The following CFDP1 variants were observed in gnomAD, a reference collection of about 807,000 sequenced individuals.
CFDP1 encodes the protein heterochromatin-stabilizing protein CFDP1.
CFDP1 carries 31 observed loss-of-function variants against 40.1 expected under a neutral mutation model. The ratio of observed to expected loss-of-function variants is 0.77; its 90% CI spans 0.58 to 1.04. The LOEUF (loss-of-function observed/expected upper bound fraction) is 1.04. Ranked by LOEUF, CFDP1 falls within the 50% of genes least tolerant of loss-of-function variation. The pLI, the probability that CFDP1 is intolerant of heterozygous loss-of-function variation, is 0.00. For synonymous variants in CFDP1, 167 were observed against 120.0 expected, an observed-to-expected ratio of 1.39 and a Z score of -2.56; for missense variants, 423 against 343.4, an observed-to-expected ratio of 1.23 and a Z score of -1.83.
intron 5 of CFDP1, among the ~76,000 whole-genome samples, chr16:75,343,868 C>T (rs181320333): frequency 6.6e-5 from 10 of 152,204 alleles, no homozygotes; most frequent in East Asian, 1.9e-4. Context: ...GTTGAGTAGA[C>T]GGGGCAATAC....
chr16:75,398,325 G>A (rs1286216600), intron 4 of CFDP1, among the ~76,000 whole-genome samples: 1 of 152,194 alleles, frequency 6.6e-6, no homozygotes, highest in Admixed American at 6.5e-5. Flanking sequence ...TAGCAGACAG[G>A]ATATTCCAAA....
Position 75,386,119 on chromosome 16 carries a change from C to T in CFDP1, c.650+8971G>A, listed in dbSNP as rs557671353. On this transcript the variant is annotated intron_variant, in intron 5 of 6. Coordinates refer to ENST00000283882, the MANE Select transcript of CFDP1 (RefSeq NM_006324.3). ...ACCTGCATGTTCTGCACATGTATCCCGGAACTTAAAGTAAAATTAAAAAAA... is the reference window on the plus strand; with the variant it reads ...ACCTGCATGTTCTGCACATGTATCCTGGAACTTAAAGTAAAATTAAAAAAA... Among the ~76,000 whole-genome samples the T allele has an allele frequency of 2.6e-4, 39 of 152,020 alleles. 1 individual carries two copies. Among genetic ancestry groups the T allele is most frequent in the South Asian group, 6.2e-4 (3 of 4,812 alleles).
Position 75,414,535 on chromosome 16 carries a change from G to C in CFDP1, c.182+43C>G, listed in dbSNP as rs765054540. ...CAATCTTAGCAATCAGGATGGTTGT[G>C]ACAATAGCCCCTAACTTCTAAGGGC... On this transcript the variant is annotated intron_variant, in intron 2 of 6. Transcript: ENST00000283882. 4 of 1,178,864 alleles carry C rather than the reference G, an allele frequency of 3.4e-6. No individual in the cohort carries two copies. The East Asian group carries it at 7.0e-5, about 21-fold the overall frequency. The allele number at this position is 1,178,864 out of a possible 1,614,324, so 73.0% of individuals were successfully genotyped here.
chr16:75,420,771 C>T (rs1217516003), intron 1 of CFDP1, among the ~76,000 whole-genome samples: 1 of 151,918 alleles, frequency 6.6e-6, no homozygotes, highest in Non-Finnish European at 1.5e-5. Flanking sequence ...ATATCTATAC[C>T]TAGGTGTAGA....
intron 4 of CFDP1, among the ~76,000 whole-genome samples, chr16:75,403,025 C>T (rs1428320692): frequency 6.6e-6 from 1 of 152,090 alleles, no homozygotes; most frequent in Non-Finnish European, 1.5e-5. Flanking sequence ...CTTCCATACT[C>T]ATTTCTTTGT....
chr16:75,432,727 T>C (rs1018230463), intron 1 of CFDP1, among the ~76,000 whole-genome samples: 2 of 152,154 alleles, frequency 1.3e-5, no homozygotes, highest in South Asian at 2.1e-4. Flanking sequence ...AACAGAAAGA[T>C]TTCTTCAGTA....
chr16:75,377,961 C>T (rs370545495), intron 5 of CFDP1, among the ~76,000 whole-genome samples: 3 of 152,320 alleles, frequency 2.0e-5, no homozygotes, highest in African/African-American at 7.2e-5. Context: ...AGTAACAGGG[C>T]ACATTATACA....
chr16:75,309,689 A>G (rs1226241179), intron 5 of CFDP1, among the ~76,000 whole-genome samples: 5 of 151,478 alleles, frequency 3.3e-5, no homozygotes, highest in African/African-American at 9.7e-5. Context: ...GCGTGGTGGC[A>G]GGCGCCTGTA....
chr16:75,427,585 C>CA (rs1263388208), intron 1 of CFDP1, among the ~76,000 whole-genome samples: 2 of 151,970 alleles, frequency 1.3e-5, no homozygotes, highest in African/African-American at 4.8e-5. Context: ...AAAACAAAAA[C>CA]AAAAAAATCT....
intron 2 of CFDP1, 70 bp downstream of exon 2, chr16:75,414,508 A>G (rs2079187600): frequency 1.1e-6 from 1 of 899,962 alleles, no homozygotes; most frequent in African/African-American, 1.6e-5. Context: ...CTATCATGAG[A>G]CCAATCTTAG....
intron 5 of CFDP1, among the ~76,000 whole-genome samples, chr16:75,335,306 CTT>C (rs1164052458): frequency 6.6e-6 from 1 of 152,156 alleles, no homozygotes; most frequent in Non-Finnish European, 1.5e-5. Flanking sequence ...GGAAAAATAA[CTT>C]AAACCTTTAT....
chr16:75,317,537 C>A (rs184247899), intron 5 of CFDP1, among the ~76,000 whole-genome samples: 5 of 152,256 alleles, frequency 3.3e-5, no homozygotes, highest in East Asian at 1.9e-4. Flanking sequence ...CCCTGAGGTG[C>A]GAACTGCTGT....
intron 5 of CFDP1, among the ~76,000 whole-genome samples, chr16:75,321,098 G>C (rs1290717494): frequency 2.0e-5 from 3 of 151,874 alleles, no homozygotes; most frequent in Non-Finnish European, 4.4e-5. Context: ...GCCTTGCTCA[G>C]CTAACAGCTA....
chr16:75,342,778 T>C (rs1367020985), intron 5 of CFDP1, among the ~76,000 whole-genome samples: 2 of 152,214 alleles, frequency 1.3e-5, no homozygotes, highest in Non-Finnish European at 2.9e-5. Flanking sequence ...CCTTGGGTCA[T>C]TCTGCCCTCA....
At chr16:75,353,892 A>T (rs1458239164) in intron 5 of CFDP1, among the ~76,000 whole-genome samples, 1 of 152,082 alleles carries the variant, frequency 6.6e-6, no homozygotes, top group Admixed American at 6.6e-5. Flanking sequence ...TCAGTTTTAA[A>T]GCTTTTTGTT....
chr16:75,299,563 C>G (rs914132262), intron 6 of CFDP1, among the ~76,000 whole-genome samples: 6 of 151,802 alleles, frequency 4.0e-5, no homozygotes, highest in African/African-American at 1.5e-4. Flanking sequence ...CCACTGCACT[C>G]CAGCCTGGGG....
chr16:75,371,846 T>C (rs1172572797), intron 5 of CFDP1, among the ~76,000 whole-genome samples: 1 of 152,224 alleles, frequency 6.6e-6, no homozygotes, highest in Non-Finnish European at 1.5e-5. Flanking sequence ...TTGTTAAGTC[T>C]ACTGTTTCCT....
At chr16:75,353,490 C>T (rs543202179) in intron 5 of CFDP1, among the ~76,000 whole-genome samples, 8 of 151,976 alleles carry the variant, frequency 5.3e-5, no homozygotes, top group South Asian at 2.1e-4. Context: ...AGGCTGGGGG[C>T]GGTGGCTCAC....
At chr16:75,393,655 C>T (rs898346403) in intron 5 of CFDP1, among the ~76,000 whole-genome samples, 6 of 142,090 alleles carry the variant, frequency 4.2e-5, no homozygotes, top group Admixed American at 7.6e-5. Context: ...GGCGTGAACC[C>T]GGGAAGCGGA....
Sources: allele counts gnomAD v4.1 joint callset (sites outside exome capture counted in the v4.1 genomes callset), GRCh38; gene constraint gnomAD v4.1.1; transcripts MANE v1.5; gene names NCBI Gene and HGNC (gene_info 2026-07-23, HGNC 2026-07-21).